Variants in ACYP2 observed in about 807,000 individuals in gnomAD.
ACYP2 encodes the protein acylphosphatase 2, also known as acylphosphatase-2.
In ACYP2, 12 loss-of-function variants were observed where a neutral mutation model predicts 11.2. The ratio of observed to expected loss-of-function variants is 1.08; its 90% CI spans 0.69 to 1.74. ACYP2 has a LOEUF of 1.74. Among genes scored for constraint, ACYP2 ranks in the 40% most tolerant of loss-of-function variants. The pLI is 0.00. For synonymous variants in ACYP2, 43 were observed against 32.2 expected, an observed-to-expected ratio of 1.33 and a Z score of -1.13; for missense variants, 134 against 101.9, an observed-to-expected ratio of 1.31 and a Z score of -1.35.
At chr2:54,045,582 C>T (rs913452110) in intron 2 of ACYP2, among the ~76,000 whole-genome samples, 4 of 151,822 alleles carry the variant, frequency 2.6e-5, no homozygotes, top group Non-Finnish European at 2.9e-5. Context: ...TTTGGGAGGC[C>T]GAGGCGGGCA....
intron 2 of ACYP2, among the ~76,000 whole-genome samples, chr2:54,032,243 G>C (rs1482681205): frequency 6.6e-6 from 1 of 152,094 alleles, no homozygotes; most frequent in African/African-American, 2.4e-5. Flanking sequence ...TTTCTTCTAG[G>C]GTTTTATGGT....
intron 4 of ACYP2, among the ~76,000 whole-genome samples, chr2:54,124,675 C>G (rs886333781): frequency 1.3e-5 from 2 of 152,040 alleles, no homozygotes; most frequent in African/African-American, 4.8e-5. Context: ...TGTATTGTTA[C>G]CATTCATAGT....
chr2:54,265,028 C>T (rs698755), intron 6 of ACYP2, among the ~76,000 whole-genome samples: 61,137 of 151,928 alleles, frequency 0.4, 12,478 homozygotes, highest in South Asian at 0.54. Context: ...ATATAGCAAA[C>T]TTTAACTAGG....
intron 6 of ACYP2, among the ~76,000 whole-genome samples, chr2:54,139,400 G>T (rs964275070): frequency 6.6e-6 from 1 of 152,174 alleles, no homozygotes; most frequent in Non-Finnish European, 1.5e-5. Flanking sequence ...ACCAAACTAT[G>T]AATCCTTGAA....
intron 4 of ACYP2, among the ~76,000 whole-genome samples, chr2:54,094,586 G>A (rs1678416032): frequency 6.6e-6 from 1 of 150,442 alleles, no homozygotes; most frequent in African/African-American, 2.5e-5. Flanking sequence ...CGCCCAGGCT[G>A]GAAGGCAGTG....
intron 6 of ACYP2, among the ~76,000 whole-genome samples, chr2:54,140,705 T>C (rs1005962616): frequency 2.0e-5 from 3 of 152,328 alleles, no homozygotes; most frequent in Non-Finnish European, 4.4e-5. Context: ...ATTCTTTTTA[T>C]TGGCTACTTA....
chr2:54,266,553 AAGATAGAT>A (rs146123390), intron 6 of ACYP2, among the ~76,000 whole-genome samples: 18,125 of 133,568 alleles, frequency 0.14, 1,322 homozygotes, highest in African/African-American at 0.16. Flanking sequence ...TAGCTAGATA[AAGATAGAT>A]AGATAGATAG....
In ACYP2 at chr2:54,177,936, G is replaced by A. The variant is rs147951318; in HGVS notation, c.404+39188G>A. On this transcript the variant is annotated intron_variant, in intron 6 of 6. Coordinates refer to ENST00000607452, the MANE Select transcript of ACYP2 (RefSeq NM_001320586.2). ...TTTTTTTTTTTTGAGATGGAGTCTC[G>A]CCCTGTTACCCAGGCTAGAGTGCAG... Among the ~76,000 whole-genome samples, 104 of 129,058 alleles carry A rather than the reference G, an allele frequency of 8.1e-4. 1 individual carries two copies. Among genetic ancestry groups the A allele is most frequent in the African/African-American group, 3.0e-3 (99 of 33,206 alleles). 84.7% of individuals were successfully genotyped at this position (129,058 alleles called of 152,430 possible). A position where few individuals can be genotyped will look rare whatever the true frequency, so the allele number is the denominator to read the frequency against.
chr2:54,263,730 A>C (rs373332307), intron 6 of ACYP2, among the ~76,000 whole-genome samples: 1 of 152,232 alleles, frequency 6.6e-6, no homozygotes, highest in African/African-American at 2.4e-5. Flanking sequence ...AACTCTTTGC[A>C]TATGTTTCAA....
chr2:54,084,520 G>T (rs1677841142), intron 4 of ACYP2: 1 of 152,174 alleles, frequency 6.6e-6, no homozygotes, highest in Admixed American at 6.5e-5. Flanking sequence ...TCGAACTCCT[G>T]ACCTCAAGTG....
chr2:53,993,014 T>C (rs1353111101), intron 2 of ACYP2, among the ~76,000 whole-genome samples: 1 of 152,052 alleles, frequency 6.6e-6, no homozygotes, highest in Non-Finnish European at 1.5e-5. Flanking sequence ...GAGACCAGCC[T>C]GACCAACATG....
intron 6 of ACYP2, among the ~76,000 whole-genome samples, chr2:54,227,537 G>A (rs944131593): frequency 2.0e-5 from 3 of 152,010 alleles, no homozygotes; most frequent in African/African-American, 7.2e-5. Context: ...CTACTTGGGA[G>A]GCTGAGGCAG....
intron 6 of ACYP2, among the ~76,000 whole-genome samples, chr2:54,231,041 G>C (rs1686214777): frequency 6.6e-6 from 1 of 151,912 alleles, no homozygotes; most frequent in African/African-American, 2.4e-5. Flanking sequence ...ATGTTGACCA[G>C]GCTGGTCTTA....
intron 2 of ACYP2, among the ~76,000 whole-genome samples, chr2:54,008,658 G>C (rs1673199484): frequency 6.6e-6 from 1 of 152,074 alleles, no homozygotes; most frequent in Admixed American, 6.6e-5. Context: ...ACCACGCCTG[G>C]TTAATTATTA....
intron 6 of ACYP2, among the ~76,000 whole-genome samples, chr2:54,265,646 A>G (rs1687982177): frequency 6.6e-6 from 1 of 152,212 alleles, no homozygotes; most frequent in Non-Finnish European, 1.5e-5. Context: ...TTCACAGATA[A>G]ATATCTACAT....
intron 6 of ACYP2, among the ~76,000 whole-genome samples, chr2:54,162,525 GGA>G (rs1040789261): frequency 2.0e-5 from 3 of 152,128 alleles, no homozygotes; most frequent in African/African-American, 7.2e-5. Context: ...GATATCACCT[GGA>G]AGTTTGTTAG....
intron 2 of ACYP2, among the ~76,000 whole-genome samples, chr2:54,047,836 G>A (rs17045474): frequency 0.26 from 40,158 of 152,102 alleles, 5,683 homozygotes; most frequent in South Asian, 0.46. Context: ...ACAAAAGACC[G>A]CAGCTACCAT....
intron 6 of ACYP2, among the ~76,000 whole-genome samples, chr2:54,164,032 A>G (rs1682844737): frequency 6.6e-6 from 1 of 152,230 alleles, no homozygotes; most frequent in Non-Finnish European, 1.5e-5. Context: ...CAAAATAGGG[A>G]GTATTCTGTC....
chr2:53,984,808 A>C (rs2104513199), intron 2 of ACYP2, among the ~76,000 whole-genome samples: 1 of 151,880 alleles, frequency 6.6e-6, no homozygotes, highest in South Asian at 2.1e-4. Flanking sequence ...CATCTTAACA[A>C]ATGTTGTAGG....
Sources: allele counts gnomAD v4.1 joint callset (sites outside exome capture counted in the v4.1 genomes callset), GRCh38; gene constraint gnomAD v4.1.1; transcripts MANE v1.5; gene names NCBI Gene and HGNC (gene_info 2026-07-23, HGNC 2026-07-21).